FAAH2: variants seen among roughly 807,000 people sequenced by gnomAD.
FAAH2 encodes the protein fatty acid amide hydrolase 2, also known as fatty-acid amide hydrolase 2.
In FAAH2, 60 loss-of-function variants were observed where a neutral mutation model predicts 36.9. The observed-to-expected ratio is 1.63, with a 90% confidence interval of 1.32 to 2.02. The LOEUF is 2.02. Ranked by LOEUF, FAAH2 falls within the 30% of genes most tolerant of loss-of-function variation. FAAH2 has a pLI of 0.00. For missense variants in FAAH2, 689 were observed against 397.5 expected, an observed-to-expected ratio of 1.73 and a Z score of -6.23; for synonymous variants, 214 against 143.8, an observed-to-expected ratio of 1.49 and a Z score of -3.49.
At chrX:57,397,561 A>AT (rs1177698731) in intron 7 of FAAH2, among the ~76,000 whole-genome samples, 240 of 106,714 alleles carry the variant, frequency 2.2e-3, no homozygotes, top group East Asian at 2.9e-3. Flanking sequence ...CTTTACTGGC[A>AT]TTTTTTTTTT....
At chrX:57,299,056 A>G (rs946070216) in intron 2 of FAAH2, among the ~76,000 whole-genome samples, 7 of 111,801 alleles carry the variant, frequency 6.3e-5, no homozygotes, top group East Asian at 5.6e-4. Context: ...TCCTTCTGAA[A>G]CTATTCCAAT....
At chrX:57,437,646 AAGT>A (rs1371344797) in intron 8 of FAAH2, among the ~76,000 whole-genome samples, 3 of 105,761 alleles carry the variant, frequency 2.8e-5, no homozygotes, top group African/African-American at 1.0e-4. Context: ...ACAAAAAATA[AAGT>A]AGAACTCCTT....
chrX:57,124,145 T>C, the FAAH2 span, among the ~76,000 whole-genome samples: 3 of 111,463 alleles, frequency 2.7e-5, no homozygotes, highest in Non-Finnish European at 5.6e-5. Context: ...AGGTCTAACG[T>C]TTAAGTCTTT....
the FAAH2 span, among the ~76,000 whole-genome samples, chrX:57,258,066 C>A: frequency 9.0e-6 from 1 of 111,620 alleles, no homozygotes; most frequent in African/African-American, 3.3e-5. Context: ...TTATAGTAAT[C>A]AAAACAGCAT....
the FAAH2 span, among the ~76,000 whole-genome samples, chrX:57,193,783 G>C: frequency 6.3e-5 from 7 of 111,983 alleles, no homozygotes; most frequent in Non-Finnish European, 3.8e-5. Flanking sequence ...AATTGAAACA[G>C]ACATAGTTTT....
At chrX:57,358,474 A>G (rs967687157) in intron 5 of FAAH2, among the ~76,000 whole-genome samples, 2 of 111,551 alleles carry the variant, frequency 1.8e-5, no homozygotes, top group Admixed American at 1.9e-4. Context: ...TTTATTTAGC[A>G]TAATGTCCTC....
At chrX:57,225,550 A>G in the FAAH2 span, among the ~76,000 whole-genome samples, 4 of 111,639 alleles carry the variant, frequency 3.6e-5, no homozygotes, top group Non-Finnish European at 5.6e-5. Context: ...GGTTCATTTT[A>G]TGGCCTATCA....
the FAAH2 span, among the ~76,000 whole-genome samples, chrX:57,238,770 G>T: frequency 9.0e-6 from 1 of 111,676 alleles, no homozygotes; most frequent in East Asian, 2.8e-4. Flanking sequence ...TACCTGATAT[G>T]CATTTTTTTA....
chrX:57,421,744 T>C, intron 7 of FAAH2, among the ~76,000 whole-genome samples: 1 of 111,798 alleles, frequency 8.9e-6, no homozygotes, highest in East Asian at 2.8e-4. Flanking sequence ...AGTGAAAATG[T>C]GGTAATAGTG....
intron 5 of FAAH2, among the ~76,000 whole-genome samples, chrX:57,372,917 T>A (rs1376571602): frequency 9.1e-6 from 1 of 110,253 alleles, no homozygotes; most frequent in Non-Finnish European, 1.9e-5. Flanking sequence ...ATTATATCAT[T>A]CTTATGCCTT....
the FAAH2 span, among the ~76,000 whole-genome samples, chrX:57,210,582 G>T: frequency 8.9e-6 from 1 of 112,283 alleles, no homozygotes; most frequent in Non-Finnish European, 1.9e-5. Context: ...TGAGAAATTA[G>T]TGGGAATAGA....
At chrX:57,368,182 A>C (rs1257712390) in intron 5 of FAAH2, among the ~76,000 whole-genome samples, 1 of 110,708 alleles carries the variant, frequency 9.0e-6, no homozygotes, top group Non-Finnish European at 1.9e-5. Context: ...GCTCCAGCAA[A>C]ACAGCTGCAA....
intron 7 of FAAH2, among the ~76,000 whole-genome samples, chrX:57,421,783 A>G (rs778946368): frequency 1.1e-3 from 122 of 112,122 alleles, no homozygotes; most frequent in Non-Finnish European, 1.7e-3. Context: ...CCATTGACAC[A>G]CTTCATTTGC....
intron 10 of FAAH2, among the ~76,000 whole-genome samples, chrX:57,485,063 G>A (rs1245593846): frequency 1.8e-5 from 2 of 111,933 alleles, no homozygotes; most frequent in Admixed American, 9.4e-5. Context: ...GAAATATTCA[G>A]TTGGGGGCAA....
chrX:57,161,975 G>T, the FAAH2 span, among the ~76,000 whole-genome samples: 1 of 111,637 alleles, frequency 9.0e-6, no homozygotes, highest in Admixed American at 9.5e-5. Context: ...TTACATTTTG[G>T]CATGATTTTG....
rs60873866 is a variant in FAAH2, at chrX:57,334,268, T to TCACACACACACACACACACACA, written c.622+2470_622+2491dup. 7.6e-3 allele frequency among the ~76,000 whole-genome samples: 653 copies of TCACACACACACACACACACACA among 85,690 alleles called. 2 individuals carry two copies. The highest frequency in any genetic ancestry group is 0.011 in the East Asian group (28 of 2,500). 74.4% of individuals were successfully genotyped at this position (85,690 alleles called of 115,157 possible). Reference sequence around the variant, plus strand: ...CTAGGTGACAGAGGGAGATTCCGTCTCACACACACACACACACACACACAC... The same window carrying TCACACACACACACACACACACA: ...CTAGGTGACAGAGGGAGATTCCGTCTCACACACACACACACACACACACACACACACACACACACACACACAC... On this transcript the variant is annotated intron_variant, in intron 4 of 10. Coordinates refer to ENST00000374900, the MANE Select transcript of FAAH2 (RefSeq NM_174912.4).
chrX:57,312,399 A>T (rs1202502763), intron 3 of FAAH2, among the ~76,000 whole-genome samples: 3 of 111,994 alleles, frequency 2.7e-5, no homozygotes, highest in African/African-American at 9.7e-5. Context: ...GAGGCCAGGC[A>T]CAGTGGCTTA....
chrX:57,248,187 T>C, the FAAH2 span, among the ~76,000 whole-genome samples: 1 of 112,341 alleles, frequency 8.9e-6, no homozygotes, highest in African/African-American at 3.2e-5. Context: ...GGGTTAATAA[T>C]CAGATTACTG....
At chrX:57,426,956 G>C (rs1010969542) in intron 7 of FAAH2, among the ~76,000 whole-genome samples, 1 of 110,501 alleles carries the variant, frequency 9.0e-6, no homozygotes, top group African/African-American at 3.3e-5. Context: ...ATGAAATGAA[G>C]TTTATTTAAA....
Sources: allele counts gnomAD v4.1 joint callset (sites outside exome capture counted in the v4.1 genomes callset), GRCh38; gene constraint gnomAD v4.1.1; transcripts MANE v1.5; gene names NCBI Gene and HGNC (gene_info 2026-07-23, HGNC 2026-07-21).